SIPA1L3: variants seen among roughly 807,000 people sequenced by gnomAD.
The protein encoded by SIPA1L3 is signal-induced proliferation-associated 1-like protein 3.
A neutral mutation model predicts 150.1 loss-of-function variants in SIPA1L3; 59 were observed. The ratio of observed to expected loss-of-function variants is 0.39; its 90% CI spans 0.32 to 0.49. SIPA1L3 has a LOEUF of 0.49. Ranked by LOEUF, SIPA1L3 falls within the 20% of genes least tolerant of loss-of-function variation. The probability of loss-of-function intolerance (pLI) is 0.86; values close to 1 mark genes in which losing one functional copy is unlikely to be tolerated. For missense variants in SIPA1L3, 2,211 were observed against 2,489.5 expected (o/e 0.89, Z 2.38); for synonymous variants, 1,070 against 1,077.6 (o/e 0.99, Z 0.14).
intron 17 of SIPA1L3, 22 bp downstream of exon 17, chr19:38,192,332 G>T (rs779873607): frequency 2.6e-6 from 4 of 1,561,464 alleles, no homozygotes. Context: ...CCTGTCCCCC[G>T]CTCCCGACCC....
At chr19:38,179,578 AC>A in intron 15 of SIPA1L3, among the ~76,000 whole-genome samples, 1 of 152,140 alleles carries the variant, frequency 6.6e-6, no homozygotes, top group South Asian at 2.1e-4. Context: ...AAAATATAAA[AC>A]TTTTCTCCAA....
intron 2 of SIPA1L3, among the ~76,000 whole-genome samples, chr19:38,062,307 G>A (rs1969463112): frequency 6.6e-6 from 1 of 152,212 alleles, no homozygotes; most frequent in South Asian, 2.1e-4. Flanking sequence ...CTTTAGAGAT[G>A]ACAGTGGTTT....
chr19:37,951,544 AT>A (rs1456765108), intron 1 of SIPA1L3, among the ~76,000 whole-genome samples: 1 of 152,122 alleles, frequency 6.6e-6, no homozygotes, highest in Non-Finnish European at 1.5e-5. Context: ...AAACTTTTGT[AT>A]ATTTTTCACA....
At position 38,182,838 on chromosome 19, in the gene SIPA1L3, C is replaced by T. The variant is rs535538793; in HGVS notation, c.4430+98C>T. The T allele has an allele frequency of 2.4e-5, 22 of 911,750 alleles. 1 individual carries two copies. Among genetic ancestry groups the T allele is most frequent in the South Asian group, 1.3e-4 (8 of 59,594 alleles). The allele number at this position is 911,750 out of a possible 1,614,324, so 56.5% of individuals were successfully genotyped here. On this transcript the variant is annotated intron_variant, in intron 16 of 21. Coordinates refer to ENST00000222345, the MANE Select transcript of SIPA1L3 (RefSeq NM_015073.3). ...ATGCCACATGCTGTCATTGCACAGA[C>T]GACTGTGGGCCAGTGTACCAGTGTA...
At position 38,081,293 on chromosome 19, in the gene SIPA1L3, G is replaced by A. The variant is rs1016984829; in HGVS notation, c.-273G>A. On this transcript the variant is annotated 5_prime_UTR_variant, in exon 3 of 22. Transcript: ENST00000222345. Reference sequence around the variant, plus strand: ...AACATCCTTGCTGCCTCCAGCTGGCGGGCGACCACAGCTACTGCCTGCTCT... The same window carrying A: ...AACATCCTTGCTGCCTCCAGCTGGCAGGCGACCACAGCTACTGCCTGCTCT... 26 of 420,954 alleles carry A rather than the reference G, an allele frequency of 6.2e-5. No individual in the cohort carries two copies. Among genetic ancestry groups the A allele is most frequent in the African/African-American group, 2.2e-4 (11 of 49,556 alleles). The allele number at this position is 420,954 out of a possible 1,614,324, so 26.1% of individuals were successfully genotyped here.
At chr19:37,946,403 G>T (rs552842789) in intron 1 of SIPA1L3, among the ~76,000 whole-genome samples, 3 of 152,172 alleles carry the variant, frequency 2.0e-5, no homozygotes, top group African/African-American at 7.2e-5. Flanking sequence ...AAAGTGTTCG[G>T]ATTACAGGCA....
chr19:38,124,085 C>T (rs1971106094), intron 9 of SIPA1L3, among the ~76,000 whole-genome samples: 2 of 149,950 alleles, frequency 1.3e-5, no homozygotes, highest in African/African-American at 4.9e-5. Flanking sequence ...GACGGGGCGG[C>T]TGGCCGGGCG....
chr19:38,071,243 A>ATC (rs1969714146), intron 2 of SIPA1L3, among the ~76,000 whole-genome samples: 1 of 151,348 alleles, frequency 6.6e-6, no homozygotes, highest in African/African-American at 2.4e-5. Context: ...CTATCTATCT[A>ATC]TCTATCTATC....
intron 6 of SIPA1L3, among the ~76,000 whole-genome samples, chr19:38,101,917 A>G (rs1970512550): frequency 6.6e-6 from 1 of 152,144 alleles, no homozygotes. Flanking sequence ...CCCAGAGGAG[A>G]TGAACTGGCA....
At chr19:38,120,214 G>C (rs1970985213) in intron 9 of SIPA1L3, among the ~76,000 whole-genome samples, 1 of 151,766 alleles carries the variant, frequency 6.6e-6, no homozygotes, top group African/African-American at 2.4e-5. Flanking sequence ...ATCTATCTCA[G>C]CACTTTAGGA....
At chr19:37,950,614 C>T (rs1218856347) in intron 1 of SIPA1L3, among the ~76,000 whole-genome samples, 5 of 152,194 alleles carry the variant, frequency 3.3e-5, no homozygotes, top group African/African-American at 7.2e-5. Flanking sequence ...GAGCTGATGG[C>T]GGGCTTGGTT....
At chr19:38,134,145 A>C (rs923810531) in intron 10 of SIPA1L3, among the ~76,000 whole-genome samples, 2 of 151,574 alleles carry the variant, frequency 1.3e-5, no homozygotes, top group African/African-American at 4.8e-5. Context: ...CACCACACCC[A>C]GCTAATTTTT....
At position 38,026,999 on chromosome 19, in the gene SIPA1L3, C is replaced by T. The variant is rs558283958; in HGVS notation, c.-378-2090C>T. 3.3e-5 allele frequency among the ~76,000 whole-genome samples: 5 copies of T among 152,260 alleles called. No individual in the cohort carries two copies. The South Asian group carries it at 8.3e-4, about 25-fold the overall frequency. ...CTCACCACTAGATCTTGTAATATAA[C>T]AGCATTAATAGGCCAGAAGTGGTGT... On this transcript the variant is annotated intron_variant, in intron 1 of 21. Transcript: ENST00000222345.
At position 38,206,068 on chromosome 19, in the gene SIPA1L3, G is replaced by A. The variant is rs74573108; in HGVS notation, c.5203-29G>A. ...GTTCCAGGAGCGGCCAAGCCCACCC[G>A]CCTGATGCCAGCTTCCCACCCTGTG... On this transcript the variant is annotated intron_variant, in intron 21 of 21. Transcript: ENST00000222345. The A allele has an allele frequency of 0.24, 368,027 of 1,514,950 alleles. 46,408 individuals are homozygous for A. Among genetic ancestry groups the A allele is most frequent in the Middle Eastern group, 0.27 (1,254 of 4,668 alleles). The allele number at this position is 1,514,950 out of a possible 1,614,324, so 93.8% of individuals were successfully genotyped here. A position where few individuals can be genotyped will look rare whatever the true frequency, so the allele number is the denominator to read the frequency against.
At chr19:38,000,767 A>G (rs986937502) in intron 1 of SIPA1L3, among the ~76,000 whole-genome samples, 99 of 147,022 alleles carry the variant, frequency 6.7e-4, no homozygotes, top group African/African-American at 2.4e-3. Flanking sequence ...ACATGCTGGG[A>G]AAAAAAAGAC....
At chr19:38,040,961 C>T (rs982582719) in intron 2 of SIPA1L3, among the ~76,000 whole-genome samples, 2 of 151,890 alleles carry the variant, frequency 1.3e-5, no homozygotes, top group Non-Finnish European at 2.9e-5. Flanking sequence ...GACGGGGTTT[C>T]ACCGTGTTAG....
intron 1 of SIPA1L3, among the ~76,000 whole-genome samples, chr19:37,923,009 C>T (rs1177425330): frequency 1.3e-5 from 2 of 150,548 alleles, no homozygotes; most frequent in Non-Finnish European, 1.5e-5. Context: ...TGGTGGCGGG[C>T]GCCTGTAGTC....
chr19:38,184,223 G>A (rs1177942560), intron 16 of SIPA1L3, among the ~76,000 whole-genome samples: 1 of 151,728 alleles, frequency 6.6e-6, no homozygotes. Context: ...TTGTTGCCCA[G>A]GCTGGAGTAC....
intron 2 of SIPA1L3, among the ~76,000 whole-genome samples, chr19:38,037,275 C>T (rs537815664): frequency 8.4e-4 from 122 of 146,102 alleles, no homozygotes; most frequent in African/African-American, 3.0e-3. Flanking sequence ...GGTCAGGGAA[C>T]GTCTGTCATA....
Sources: gnomAD v4.1 joint callset for allele counts (sites outside exome capture counted in the v4.1 genomes callset) on GRCh38, gnomAD v4.1.1 for gene constraint, MANE v1.5 for transcripts, NCBI Gene and HGNC (gene_info 2026-07-23, HGNC 2026-07-21) for gene names.